The following MRPS6 variants were observed in gnomAD, a reference collection of about 807,000 sequenced individuals.
MRPS6 encodes small ribosomal subunit protein bS6m.
In MRPS6, 6 loss-of-function variants were observed where a neutral mutation model predicts 13.1. The ratio of observed to expected loss-of-function variants is 0.46; its 90% CI spans 0.25 to 0.91. The LOEUF (loss-of-function observed/expected upper bound fraction) is 0.91, where lower values mean the gene tolerates loss of function less well. Among genes scored for constraint, MRPS6 ranks in the 40% least tolerant of loss-of-function variants. The pLI, the probability that MRPS6 is intolerant of heterozygous loss-of-function variation, is 0.18. For synonymous variants in MRPS6, 61 were observed against 56.5 expected (o/e 1.08, Z -0.36); for missense variants, 164 against 155.6 (o/e 1.05, Z -0.29).
chr21:34,115,034 G>T (rs1266158432), intron 1 of MRPS6, among the ~76,000 whole-genome samples: 1 of 152,164 alleles, frequency 6.6e-6, no homozygotes, highest in Non-Finnish European at 1.5e-5. Flanking sequence ...CTACCTTGCA[G>T]CTCAAGTTGC....
chr21:34,133,659 A>G (rs1223491789), intron 2 of MRPS6, among the ~76,000 whole-genome samples: 1 of 152,176 alleles, frequency 6.6e-6, no homozygotes, highest in Non-Finnish European at 1.5e-5. Context: ...TGTCTGGGTT[A>G]CTTGATGGCC....
intron 1 of MRPS6, among the ~76,000 whole-genome samples, chr21:34,078,167 C>T (rs529396623): frequency 3.3e-5 from 5 of 152,232 alleles, no homozygotes; most frequent in African/African-American, 1.2e-4. Flanking sequence ...CATGGGCCCT[C>T]CCTAAACAGC....
intron 1 of MRPS6, among the ~76,000 whole-genome samples, chr21:34,080,374 T>C (rs16991169): frequency 0.012 from 1,753 of 152,322 alleles, 38 homozygotes; most frequent in South Asian, 0.081. Flanking sequence ...TCAGTTTTTT[T>C]CCACATTTTA....
At chr21:34,116,007 A>C (rs1180925996) in intron 1 of MRPS6, among the ~76,000 whole-genome samples, 1 of 150,938 alleles carries the variant, frequency 6.6e-6, no homozygotes, top group Non-Finnish European at 1.5e-5. Context: ...GTATGTAAGG[A>C]TCATACCCCA....
chr21:34,095,645 T>A, intron 1 of MRPS6: 1 of 1,613,868 alleles, frequency 6.2e-7, no homozygotes, highest in Non-Finnish European at 8.5e-7. Flanking sequence ...GTGCCCTTTT[T>A]ATCCAGGAGT....
chr21:34,112,162 A>G (rs778870394), intron 1 of MRPS6, among the ~76,000 whole-genome samples: 1 of 152,092 alleles, frequency 6.6e-6, no homozygotes, highest in Non-Finnish European at 1.5e-5. Context: ...CTTTCTAGTT[A>G]TATTAAGTAC....
intron 2 of MRPS6, among the ~76,000 whole-genome samples, chr21:34,128,860 C>T (rs1048747293): frequency 6.6e-6 from 1 of 152,196 alleles, no homozygotes; most frequent in African/African-American, 2.4e-5. Context: ...CCACCCTTAT[C>T]AGGGATTGGG....
chr21:34,085,681 A>C (rs1019968804), intron 1 of MRPS6, among the ~76,000 whole-genome samples: 1 of 148,178 alleles, frequency 6.7e-6, no homozygotes, highest in Non-Finnish European at 1.5e-5. Context: ...GGCTCACTGC[A>C]AGCTCTGCCT....
intron 1 of MRPS6, among the ~76,000 whole-genome samples, chr21:34,121,489 C>CT (rs1980120353): frequency 6.6e-6 from 1 of 151,818 alleles, no homozygotes; most frequent in South Asian, 2.1e-4. Context: ...TCATTCATTC[C>CT]TTTCTTTCTG....
At chr21:34,126,564 A>C (rs1010300219) in intron 2 of MRPS6, among the ~76,000 whole-genome samples, 1 of 152,246 alleles carries the variant, frequency 6.6e-6, no homozygotes, top group African/African-American at 2.4e-5. Flanking sequence ...CCACAGTCAT[A>C]ATAACAATGA....
chr21:34,124,406 T>C (rs1419237572), intron 1 of MRPS6: 1 of 152,138 alleles, frequency 6.6e-6, no homozygotes, highest in Non-Finnish European at 1.5e-5. Flanking sequence ...TGTATACATA[T>C]GCATAGAGAG....
intron 1 of MRPS6, among the ~76,000 whole-genome samples, chr21:34,117,450 T>C (rs1169930461): frequency 2.0e-5 from 3 of 152,220 alleles, no homozygotes; most frequent in Non-Finnish European, 4.4e-5. Flanking sequence ...ATCATTGCTT[T>C]TCACATCAGT....
At chr21:34,130,068 A>G (rs1980447673) in intron 2 of MRPS6, among the ~76,000 whole-genome samples, 1 of 152,210 alleles carries the variant, frequency 6.6e-6, no homozygotes, top group South Asian at 2.1e-4. Flanking sequence ...CCTATCTTCA[A>G]AAAGGCTCAA....
intron 1 of MRPS6, among the ~76,000 whole-genome samples, chr21:34,109,883 A>G (rs1345946559): frequency 4.6e-5 from 7 of 151,942 alleles, no homozygotes; most frequent in Admixed American, 4.6e-4. Context: ...TTTTTATTTG[A>G]CAATCATACC....
intron 2 of MRPS6, among the ~76,000 whole-genome samples, chr21:34,141,708 G>C (rs1270309657): frequency 6.6e-6 from 1 of 152,200 alleles, no homozygotes; most frequent in Non-Finnish European, 1.5e-5. Context: ...GAGGAGCCAG[G>C]AGTGGGTAGG....
chr21:34,085,926 G>A (rs1448906989), intron 1 of MRPS6, among the ~76,000 whole-genome samples: 2 of 152,138 alleles, frequency 1.3e-5, no homozygotes, highest in African/African-American at 2.4e-5. Flanking sequence ...TTAAACAACC[G>A]TAGTGCCTTT....
chr21:34,096,771 A>G lies in MRPS6; in HGVS notation c.45+23026A>G, dbSNP rs757979616. The G allele has an allele frequency of 6.2e-7, 1 of 1,614,088 alleles. No individual in the cohort carries two copies. The highest frequency in any genetic ancestry group is 2.2e-5 in the East Asian group (1 of 44,884). On this transcript the variant is annotated intron_variant, in intron 1 of 2. Coordinates refer to ENST00000399312, the MANE Select transcript of MRPS6 (RefSeq NM_032476.4). This position sits in a 1 kb window ranked among gnomAD's most constrained non-coding sequence, Gnocchi z 5.9. ...AGGATTGTTTTGGGTCACGGGACTC[A>G]TTACTGTAATTGTGAGCCTTCTCAC...
chr21:34,089,668 G>T (rs752822589), intron 1 of MRPS6, among the ~76,000 whole-genome samples: 18 of 152,088 alleles, frequency 1.2e-4, no homozygotes, highest in Admixed American at 5.9e-4. Context: ...CCCCACTCCT[G>T]TCCCGGGAGA....
At chr21:34,111,251 A>G (rs1979687827) in intron 1 of MRPS6, among the ~76,000 whole-genome samples, 1 of 152,224 alleles carries the variant, frequency 6.6e-6, no homozygotes, top group Admixed American at 6.5e-5. Context: ...TCCATGATTA[A>G]TGAGAATCAC....
Sources: allele counts gnomAD v4.1 joint callset (sites outside exome capture counted in the v4.1 genomes callset), GRCh38; gene constraint gnomAD v4.1.1; non-coding constraint Gnocchi (gnomAD v3.1); transcripts MANE v1.5; gene names NCBI Gene and HGNC (gene_info 2026-07-23, HGNC 2026-07-21).